The following DNAH7 variants were observed in gnomAD, a reference collection of about 807,000 sequenced individuals.
DNAH7 encodes the protein dynein axonemal heavy chain 7.
DNAH7 carries 397 observed loss-of-function variants against 444.6 expected under a neutral mutation model. That is an observed-to-expected ratio of 0.89 (90% CI 0.82 to 0.97). DNAH7 has a LOEUF of 0.97. Ranked by LOEUF, DNAH7 falls within the 50% of genes least tolerant of loss-of-function variation. DNAH7 has a pLI of 0.00. For missense variants in DNAH7, 4,902 were observed against 4,800.8 expected, an observed-to-expected ratio of 1.02 and a Z score of -0.62; for synonymous variants, 1,636 against 1,624.4, an observed-to-expected ratio of 1.01 and a Z score of -0.17.
At chr2:195,760,467 G>A (rs1050267258) in intron 61 of DNAH7, among the ~76,000 whole-genome samples, 2 of 152,158 alleles carry the variant, frequency 1.3e-5, no homozygotes. Flanking sequence ...GGCCTTGGAT[G>A]AGACCCAGTG....
chr2:195,956,763 T>C (rs1690692179), intron 19 of DNAH7, among the ~76,000 whole-genome samples: 1 of 152,214 alleles, frequency 6.6e-6, no homozygotes, highest in African/African-American at 2.4e-5. Context: ...TCCACAGTAT[T>C]TGTGTATTTT....
intron 58 of DNAH7, among the ~76,000 whole-genome samples, chr2:195,785,101 C>T (rs549729095): frequency 3.9e-5 from 6 of 152,070 alleles, no homozygotes; most frequent in Non-Finnish European, 7.4e-5. Context: ...TTAGTAGAGA[C>T]GGGGTTTCAC....
chr2:195,916,841 C>T (rs1687711020), intron 24 of DNAH7, among the ~76,000 whole-genome samples: 1 of 151,298 alleles, frequency 6.6e-6, no homozygotes, highest in Non-Finnish European at 1.5e-5. Context: ...GGCTCACGCC[C>T]GTAATTCCAG....
chr2:196,044,930 A>G (rs1365030070), intron 5 of DNAH7, among the ~76,000 whole-genome samples: 1 of 151,994 alleles, frequency 6.6e-6, no homozygotes, highest in Non-Finnish European at 1.5e-5. Context: ...ACAAAAAATT[A>G]GTCAGGTGTT....
intron 63 of DNAH7, among the ~76,000 whole-genome samples, chr2:195,746,690 A>T (rs1298356101): frequency 6.6e-6 from 1 of 152,200 alleles, no homozygotes; most frequent in Admixed American, 6.5e-5. Context: ...GGATTAAGAA[A>T]CTCACTCAAA....
chr2:195,916,813 G>A (rs1687708049), intron 24 of DNAH7, among the ~76,000 whole-genome samples: 1 of 151,850 alleles, frequency 6.6e-6, no homozygotes, highest in African/African-American at 2.4e-5. Flanking sequence ...AGTCAAGATT[G>A]CGTCAGCCGG....
At chr2:195,879,214 T>A (rs1329319073) in intron 36 of DNAH7, among the ~76,000 whole-genome samples, 1 of 152,084 alleles carries the variant, frequency 6.6e-6, no homozygotes, top group Non-Finnish European at 1.5e-5. Flanking sequence ...AGGGCTCAGA[T>A]TAACACAAAT....
chr2:195,943,360 A>G (rs1312130544), intron 19 of DNAH7, among the ~76,000 whole-genome samples: 3 of 152,118 alleles, frequency 2.0e-5, no homozygotes, highest in Admixed American at 6.6e-5. Context: ...TATTTCCCTT[A>G]TAAGGTGAGT....
In DNAH7 at chr2:195,960,524, AAAGAG is replaced by A. The variant is rs1407582017; in HGVS notation, c.2622_2626del (p.Ser875PhefsTer13). The stretch of plus-strand genomic sequence containing the variant: ...ATATGGTTCCAGATTCATGTCTAAA[AAAGAG>A]GAGACTGTGGAGTCATCTGATGGCT... On this transcript the variant is annotated frameshift_variant, in exon 18 of 65. Coordinates refer to ENST00000312428, the MANE Select transcript of DNAH7 (RefSeq NM_018897.3). LOFTEE classifies it high-confidence loss of function. 3 of 1,614,092 alleles carry A rather than the reference AAAGAG, an allele frequency of 1.9e-6. No homozygotes were observed. Among genetic ancestry groups the A allele is most frequent in the Non-Finnish European group, 1.7e-6 (2 of 1,180,046 alleles).
intron 52 of DNAH7, 74 bp downstream of exon 52, chr2:195,809,671 T>TC: frequency 2.3e-6 from 3 of 1,300,778 alleles, no homozygotes; most frequent in Middle Eastern, 2.0e-4. Flanking sequence ...TTATATATAT[T>TC]CCCATACAAA....
At chr2:195,765,301 C>T (rs1392705964) in intron 61 of DNAH7, among the ~76,000 whole-genome samples, 2 of 152,120 alleles carry the variant, frequency 1.3e-5, no homozygotes, top group Non-Finnish European at 2.9e-5. Context: ...AGAAGCTCTC[C>T]AGGACCTTGG....
intron 63 of DNAH7, among the ~76,000 whole-genome samples, chr2:195,750,091 A>G (rs1001470719): frequency 1.8e-4 from 27 of 152,228 alleles, no homozygotes; most frequent in African/African-American, 6.3e-4. Context: ...ACTACTCTTC[A>G]GTGCATGATC....
intron 25 of DNAH7, among the ~76,000 whole-genome samples, chr2:195,909,760 C>T (rs1279230058): frequency 6.6e-6 from 1 of 152,154 alleles, no homozygotes; most frequent in African/African-American, 2.4e-5. Context: ...AAACTCTTAT[C>T]TGCTCCAATG....
chr2:195,948,722 G>C (rs1244721189), intron 19 of DNAH7, among the ~76,000 whole-genome samples: 1 of 152,174 alleles, frequency 6.6e-6, no homozygotes, highest in East Asian at 1.9e-4. Flanking sequence ...AAGTCAGGTA[G>C]CGTGATGCCT....
intron 7 of DNAH7, among the ~76,000 whole-genome samples, chr2:196,025,380 C>G (rs1468684587): frequency 6.6e-6 from 1 of 152,136 alleles, no homozygotes; most frequent in African/African-American, 2.4e-5. Context: ...TGTATTACCC[C>G]CTTCCCTACA....
Position 195,858,666 on chromosome 2 carries a change from T to A in DNAH7, c.7875A>T (p.Glu2625Asp). 6.2e-7 allele frequency: 1 copy of A among 1,614,080 alleles called. No individual in the cohort carries two copies. The highest frequency in any genetic ancestry group is 1.1e-5 in the South Asian group (1 of 91,074). Residue 2625 changes from glutamate to aspartate, a missense_variant, in exon 43 of 65, where the codon GAA becomes GAT. Coordinates refer to ENST00000312428, the MANE Select transcript of DNAH7 (RefSeq NM_018897.3). ...ACTCTTTCTCAATCATTATCATCAT[T>A]TCATCAACCTCTTTGCTAGCAACTT... Reference protein sequence around the residue: ...QLKVASKEVDEMMIMIEKESV... With the variant: ...QLKVASKEVDDMMIMIEKESV...
At chr2:195,844,280 G>C (rs1191136598) in intron 47 of DNAH7, among the ~76,000 whole-genome samples, 2 of 152,052 alleles carry the variant, frequency 1.3e-5, no homozygotes, top group African/African-American at 2.4e-5. Flanking sequence ...ATGTAACACA[G>C]AGCATTTCCT....
In DNAH7 at chr2:195,934,629, C is replaced by G. The variant is rs770459665; in HGVS notation, c.3433G>C (p.Val1145Leu). Residue 1145 changes from valine to leucine, a missense_variant, in exon 21 of 65, where the codon GTT becomes CTT. Physicochemically the swap from Val to Leu is conservative, Grantham distance 32. Coordinates refer to ENST00000312428, the MANE Select transcript of DNAH7 (RefSeq NM_018897.3). ...KARGQVEKWLVELERVMINSI... is the reference protein window; with the variant it reads ...KARGQVEKWLLELERVMINSI... ...TTAATCATAACTCTCTCTAATTCAA[C>G]CAACCACTTCTCCACTTGACCTCTG... 1.2e-5 allele frequency: 19 copies of G among 1,614,078 alleles called. No homozygotes were observed. The highest frequency in any genetic ancestry group is 1.6e-5 in the Non-Finnish European group (19 of 1,179,974).
At chr2:195,815,649 CA>C (rs1697182548) in intron 51 of DNAH7, among the ~76,000 whole-genome samples, 3 of 152,266 alleles carry the variant, frequency 2.0e-5, no homozygotes, top group Admixed American at 2.0e-4. Context: ...TTATAAAAGG[CA>C]AAAGTTGTTA....
Sources: gnomAD v4.1 joint callset for allele counts (sites outside exome capture counted in the v4.1 genomes callset) on GRCh38, gnomAD v4.1.1 for gene constraint, MANE v1.5 for transcripts, NCBI Gene and HGNC (gene_info 2026-07-23, HGNC 2026-07-21) for gene names.